Variants in PPM1L observed in about 807,000 individuals in gnomAD.
PPM1L encodes the protein protein phosphatase, Mg2+/Mn2+ dependent 1L.
A neutral mutation model predicts 31.4 loss-of-function variants in PPM1L; 13 were observed. That is an observed-to-expected ratio of 0.41 (90% CI 0.27 to 0.66). The LOEUF (loss-of-function observed/expected upper bound fraction) is 0.66. Ranked by LOEUF, PPM1L falls within the 30% of genes least tolerant of loss-of-function variation. PPM1L has a pLI of 0.29. For missense variants in PPM1L, 326 were observed against 453.7 expected (o/e 0.72, Z 2.56); for synonymous variants, 184 against 175.4 (o/e 1.05, Z -0.39).
chr3:160,764,614 C>T (rs926581556), intron 1 of PPM1L, among the ~76,000 whole-genome samples: 40 of 151,724 alleles, frequency 2.6e-4, no homozygotes, highest in African/African-American at 9.4e-4. Context: ...TTACAGGCAC[C>T]CGCCACTATG....
intron 1 of PPM1L, among the ~76,000 whole-genome samples, chr3:160,866,835 T>C (rs538356752): frequency 2.1e-4 from 32 of 152,210 alleles, no homozygotes; most frequent in Non-Finnish European, 4.3e-4. Flanking sequence ...TTTCTTTCAT[T>C]ACCATTTTAT....
At chr3:160,821,508 A>C (rs1049111551) in intron 1 of PPM1L, among the ~76,000 whole-genome samples, 1 of 152,106 alleles carries the variant, frequency 6.6e-6, no homozygotes, top group Admixed American at 6.6e-5. Context: ...TACAGTTTTC[A>C]TATGTAATCC....
intron 1 of PPM1L, among the ~76,000 whole-genome samples, chr3:160,757,174 C>T (rs943016395): frequency 6.6e-6 from 1 of 152,196 alleles, no homozygotes; most frequent in African/African-American, 2.4e-5. Context: ...AGAGCGAGCT[C>T]ATTGAGGGTG....
chr3:160,844,155 A>C (rs1480651882), intron 1 of PPM1L, among the ~76,000 whole-genome samples: 1 of 152,202 alleles, frequency 6.6e-6, no homozygotes, highest in Non-Finnish European at 1.5e-5. Flanking sequence ...CTGTGACTAC[A>C]CATCCTTATT....
intron 2 of PPM1L, among the ~76,000 whole-genome samples, chr3:161,014,578 G>A (rs1259637233): frequency 4.0e-5 from 6 of 150,842 alleles, no homozygotes; most frequent in East Asian, 2.0e-4. Flanking sequence ...AGGTTCAAGC[G>A]ATTCTCCTGC....
chr3:160,991,093 A>G (rs938594719), intron 2 of PPM1L, among the ~76,000 whole-genome samples: 4 of 150,744 alleles, frequency 2.7e-5, no homozygotes, highest in Non-Finnish European at 5.9e-5. Context: ...AAAAAAAAAA[A>G]GAAAAAAATC....
chr3:160,981,256 C>A (rs1405343237), intron 2 of PPM1L, among the ~76,000 whole-genome samples: 1 of 152,166 alleles, frequency 6.6e-6, no homozygotes, highest in Non-Finnish European at 1.5e-5. Context: ...GATCAGGAAT[C>A]TAGGTTGGTT....
intron 1 of PPM1L, among the ~76,000 whole-genome samples, chr3:160,857,836 G>T (rs1391207140): frequency 6.6e-6 from 1 of 152,172 alleles, no homozygotes. Context: ...TTCTTCTGTG[G>T]ATTTTCATCC....
intron 1 of PPM1L, among the ~76,000 whole-genome samples, chr3:160,757,815 C>G (rs1398956249): frequency 6.6e-6 from 1 of 152,206 alleles, no homozygotes; most frequent in African/African-American, 2.4e-5. Flanking sequence ...AAGTTTTCCC[C>G]CAACTTTCTT....
At position 160,945,191 on chromosome 3, in the gene PPM1L, A is replaced by G. The variant is rs201577758; in HGVS notation, c.400-16545A>G. Among the ~76,000 whole-genome samples the G allele has an allele frequency of 1.3e-3, 189 of 149,548 alleles. 4 individuals are homozygous for G. The South Asian group carries it at 0.033, about 26-fold the overall frequency. ...GTTTTAGTTTGGCCATCCATCTGTAACAGTGTTTGGCACACATTTTCTGTA... is the reference window on the plus strand; with the variant it reads ...GTTTTAGTTTGGCCATCCATCTGTAGCAGTGTTTGGCACACATTTTCTGTA... On this transcript the variant is annotated intron_variant, in intron 1 of 3. Transcript: ENST00000498165.
At chr3:160,917,906 A>C (rs1418110815) in intron 1 of PPM1L, among the ~76,000 whole-genome samples, 2 of 152,164 alleles carry the variant, frequency 1.3e-5, no homozygotes, top group Non-Finnish European at 2.9e-5. Context: ...AAAATTCAAG[A>C]TAGATTTCAA....
intron 2 of PPM1L, among the ~76,000 whole-genome samples, chr3:161,033,027 G>A (rs997503429): frequency 1.3e-5 from 2 of 151,256 alleles, no homozygotes; most frequent in African/African-American, 4.9e-5. Flanking sequence ...GGGTGTTAAG[G>A]GATGGGTCAC....
At chr3:160,788,669 C>T (rs1346695406) in intron 1 of PPM1L, among the ~76,000 whole-genome samples, 1 of 151,890 alleles carries the variant, frequency 6.6e-6, no homozygotes. Context: ...TAAAGTTTAT[C>T]TATTGTTTTT....
chr3:160,875,675 C>T (rs907332125), intron 1 of PPM1L, among the ~76,000 whole-genome samples: 2 of 152,178 alleles, frequency 1.3e-5, no homozygotes, highest in South Asian at 4.1e-4. Flanking sequence ...ATCATTATAA[C>T]AATTGTATGA....
chr3:161,050,248 A>G (rs1342355791), intron 2 of PPM1L, among the ~76,000 whole-genome samples: 1 of 152,242 alleles, frequency 6.6e-6, no homozygotes, highest in African/African-American at 2.4e-5. Flanking sequence ...CTGAAATGAC[A>G]GGTTGATCCA....
intron 2 of PPM1L, among the ~76,000 whole-genome samples, chr3:161,033,373 G>A (rs1309530763): frequency 2.0e-5 from 3 of 152,200 alleles, no homozygotes; most frequent in South Asian, 2.1e-4. Flanking sequence ...AAAAGAGCCC[G>A]TAGAGCCAAG....
chr3:160,888,107 T>A (rs575898677), intron 1 of PPM1L, among the ~76,000 whole-genome samples: 2 of 152,168 alleles, frequency 1.3e-5, no homozygotes, highest in Non-Finnish European at 2.9e-5. Context: ...AATGACACTA[T>A]GAAGAAACTG....
At chr3:160,966,061 T>C (rs2108111918) in intron 2 of PPM1L, among the ~76,000 whole-genome samples, 1 of 152,118 alleles carries the variant, frequency 6.6e-6, no homozygotes, top group Non-Finnish European at 1.5e-5. Flanking sequence ...AATTCAGCTA[T>C]CTAGCAACCT....
chr3:160,772,938 G>C (rs1715296412), intron 1 of PPM1L, among the ~76,000 whole-genome samples: 2 of 151,784 alleles, frequency 1.3e-5, no homozygotes, highest in Non-Finnish European at 2.9e-5. Flanking sequence ...CCCATTGTAT[G>C]GATATATATC....
Sources: allele counts gnomAD v4.1 joint callset (sites outside exome capture counted in the v4.1 genomes callset), GRCh38; gene constraint gnomAD v4.1.1; transcripts MANE v1.5; gene names NCBI Gene and HGNC (gene_info 2026-07-23, HGNC 2026-07-21).